The following CLCN3 variants were observed in gnomAD, a reference collection of about 807,000 sequenced individuals.
The protein encoded by CLCN3 is H(+)/Cl(-) exchange transporter 3.
CLCN3 carries 16 observed loss-of-function variants against 83.4 expected under a neutral mutation model. That is an observed-to-expected ratio of 0.19 (90% CI 0.13 to 0.29). The LOEUF (loss-of-function observed/expected upper bound fraction) is 0.29, where lower values mean the gene tolerates loss of function less well. Among genes scored for constraint, CLCN3 ranks in the 10% least tolerant of loss-of-function variants. The pLI is 1.00. For missense variants in CLCN3, 544 were observed against 1,006.0 expected, an observed-to-expected ratio of 0.54 and a Z score of 6.21; for synonymous variants, 322 against 346.2, an observed-to-expected ratio of 0.93 and a Z score of 0.78.
chr4:169,713,107 C>T lies in CLCN3; in HGVS notation c.2178C>T (p.Ile726=), dbSNP rs148270553. The change falls in exon 12 of 13, where the codon ATC becomes ATT. Residue 726 remains isoleucine (I), a synonymous_variant. Transcript: ENST00000513761. ...IESARKKQEG[I]VGSSRVCFAQ... ...GTGCCAGGAAAAAACAAGAAGGTAT[C>T]GTTGGCAGTTCTCGGGTGTGTTTTG... 58 of 1,613,978 alleles carry T rather than the reference C, an allele frequency of 3.6e-5. No individual in the cohort carries two copies. The Middle Eastern group carries it at 4.9e-4, about 14-fold the overall frequency.
intron 2 of CLCN3, among the ~76,000 whole-genome samples, chr4:169,637,515 TAG>T (rs1730252701): frequency 2.0e-5 from 3 of 152,040 alleles, no homozygotes; most frequent in African/African-American, 7.2e-5. Context: ...GAAAAAAAAT[TAG>T]TTTTGATTGC....
intron 2 of CLCN3, among the ~76,000 whole-genome samples, chr4:169,678,959 A>C (rs1338568436): frequency 6.6e-6 from 1 of 152,192 alleles, no homozygotes; most frequent in African/African-American, 2.4e-5. Context: ...GGCCAGGCAG[A>C]GGGGCTCCTC....
At chr4:169,689,274 C>G in intron 5 of CLCN3, 44 bp downstream of exon 5, 2 of 1,503,430 alleles carry the variant, frequency 1.3e-6, no homozygotes, top group Non-Finnish European at 1.8e-6. Context: ...ATTGATATAG[C>G]AAAATGTTTC....
At position 169,706,530 on chromosome 4, in the gene CLCN3, A is replaced by G. The variant is rs72696643; in HGVS notation, c.1751-338A>G. On this transcript the variant is annotated intron_variant, in intron 10 of 12. Transcript: ENST00000513761. ...CTTTATAATTAGAATAAGCTTTTAT[A>G]AGGGTGAAATTATGTCTTTGCTACA... Among the ~76,000 whole-genome samples, 645 of 152,328 alleles carry G rather than the reference A, an allele frequency of 4.2e-3. 7 individuals are homozygous for G. Among genetic ancestry groups the G allele is most frequent in the South Asian group, 0.036 (176 of 4,828 alleles).
chr4:169,658,256 C>T (rs1319014360), intron 2 of CLCN3, among the ~76,000 whole-genome samples: 2 of 151,376 alleles, frequency 1.3e-5, no homozygotes, highest in African/African-American at 4.8e-5. Flanking sequence ...TATATATACA[C>T]ACAATTGTTT....
At chr4:169,636,787 T>C (rs899482248) in intron 2 of CLCN3, among the ~76,000 whole-genome samples, 2 of 151,138 alleles carry the variant, frequency 1.3e-5, no homozygotes, top group African/African-American at 4.9e-5. Context: ...CCACTATGAA[T>C]TGTCATGTGC....
At chr4:169,712,338 C>CATTTTTTTTTTATCAGCAGTTTCATTCAG (rs1733253853) in intron 11 of CLCN3, among the ~76,000 whole-genome samples, 1 of 151,922 alleles carries the variant, frequency 6.6e-6, no homozygotes, top group Admixed American at 6.6e-5. Flanking sequence ...TCTTGTCTAG[C>CATTTTTTTTTTATCAGCAGTTTCATTCAG]ATTTTTTTTT....
At chr4:169,683,744 A>ATTT (rs762304193) in intron 3 of CLCN3, among the ~76,000 whole-genome samples, 1 of 141,200 alleles carries the variant, frequency 7.1e-6, no homozygotes, top group Admixed American at 7.1e-5. Context: ...CTTAAAATTA[A>ATTT]TTTTTTTTTT....
intron 2 of CLCN3, among the ~76,000 whole-genome samples, chr4:169,653,261 T>C (rs1007674083): frequency 2.0e-5 from 3 of 152,048 alleles, no homozygotes; most frequent in African/African-American, 7.2e-5. Flanking sequence ...TGTGTTAGAG[T>C]GTATTCATTT....
intron 2 of CLCN3, among the ~76,000 whole-genome samples, chr4:169,640,787 A>G (rs1055069671): frequency 6.6e-6 from 1 of 152,210 alleles, no homozygotes; most frequent in South Asian, 2.1e-4. Flanking sequence ...CTTATAATAG[A>G]TAGTACTATC....
At chr4:169,678,444 C>A (rs981757879) in intron 2 of CLCN3, among the ~76,000 whole-genome samples, 3 of 151,934 alleles carry the variant, frequency 2.0e-5, no homozygotes, top group African/African-American at 7.3e-5. Flanking sequence ...ATTTATTGAT[C>A]ACTCTTGGGT....
rs922703203 is a variant in CLCN3, at chr4:169,721,578, T to C, written c.*1581T>C. On this transcript the variant is annotated 3_prime_UTR_variant, in exon 13 of 13. Transcript: ENST00000513761. ...TGTGAAAACAATAGAATTGCAAAGA[T>C]AGCAGTTAAAATTTTAATCTGAAAA... 2 of 152,210 alleles carry C rather than the reference T, an allele frequency of 1.3e-5. No individual in the cohort carries two copies. The highest frequency in any genetic ancestry group is 4.8e-5 in the African/African-American group (2 of 41,448). 9.4% of individuals were successfully genotyped at this position (152,210 alleles called of 1,614,324 possible).
chr4:169,722,584 G>A lies in CLCN3; in HGVS notation c.*2587G>A, dbSNP rs1338929857. 6.6e-6 allele frequency: 1 copy of A among 152,162 alleles called. No individual in the cohort carries two copies. Among genetic ancestry groups the A allele is most frequent in the African/African-American group, 2.4e-5 (1 of 41,434 alleles). 9.4% of individuals were successfully genotyped at this position (152,162 alleles called of 1,614,324 possible). On this transcript the variant is annotated 3_prime_UTR_variant, in exon 13 of 13. Transcript: ENST00000513761. ...AATCGGTTTCTTTGCAGATAGCTTC[G>A]TAAAACTTCACATGGAGTTTATTTT...
chr4:169,697,985 C>T (rs1385605078), intron 9 of CLCN3, among the ~76,000 whole-genome samples: 1 of 152,166 alleles, frequency 6.6e-6, no homozygotes, highest in African/African-American at 2.4e-5. Context: ...ATTGAGTCAA[C>T]GACTTGGGAA....
At chr4:169,679,726 C>CA (rs1458570524) in intron 2 of CLCN3, among the ~76,000 whole-genome samples, 1 of 152,124 alleles carries the variant, frequency 6.6e-6, no homozygotes, top group Non-Finnish European at 1.5e-5. Flanking sequence ...CCATCTCCAC[C>CA]AAAAAATACA....
chr4:169,660,060 C>T, intron 2 of CLCN3: 1 of 1,012,980 alleles, frequency 9.9e-7, no homozygotes, highest in South Asian at 4.6e-5. Flanking sequence ...AATTCTCAAA[C>T]CAGTTTTGTG....
intron 3 of CLCN3, among the ~76,000 whole-genome samples, chr4:169,684,625 A>G (rs1404344371): frequency 1.3e-5 from 2 of 152,320 alleles, no homozygotes; most frequent in Middle Eastern, 3.4e-3. Context: ...CTCTGATTCC[A>G]TTGAAGGAAA....
chr4:169,678,566 C>T lies in CLCN3; in HGVS notation c.161-1484C>T, dbSNP rs137929595. Among the ~76,000 whole-genome samples the T allele has an allele frequency of 6.1e-4, 93 of 152,108 alleles. 1 individual carries two copies. Among genetic ancestry groups the T allele is most frequent in the African/African-American group, 2.2e-3 (90 of 41,474 alleles). On this transcript the variant is annotated intron_variant, in intron 2 of 12. Transcript: ENST00000513761. ...TTTTCCTAGGCAGAGGACCCTGCGG[C>T]CTTCCACAGTGTTTGTGTCCCTGGG...
At chr4:169,680,341 T>C in intron 3 of CLCN3, 134 bp downstream of exon 3, 1 of 644,394 alleles carries the variant, frequency 1.6e-6, no homozygotes, top group Non-Finnish European at 2.6e-6. Context: ...TCATATGTGG[T>C]ACATGTTTTT....
Sources: gnomAD v4.1 joint callset for allele counts (sites outside exome capture counted in the v4.1 genomes callset) on GRCh38, gnomAD v4.1.1 for gene constraint, MANE v1.5 for transcripts, NCBI Gene and HGNC (gene_info 2026-07-23, HGNC 2026-07-21) for gene names.